Variants in CADPS2 observed in about 807,000 individuals in gnomAD.
The protein encoded by CADPS2 is calcium-dependent secretion activator 2.
CADPS2 carries 93 observed loss-of-function variants against 172.5 expected under a neutral mutation model. The ratio of observed to expected loss-of-function variants is 0.54; its 90% confidence interval spans 0.46 to 0.64. The LOEUF (loss-of-function observed/expected upper bound fraction) is 0.64. CADPS2 is among the 30% of genes least tolerant of loss of function. CADPS2 has a pLI of 0.00. For missense variants in CADPS2, 1,420 were observed against 1,565.9 expected, an observed-to-expected ratio of 0.91 and a Z score of 1.57; for synonymous variants, 546 against 555.2, an observed-to-expected ratio of 0.98 and a Z score of 0.23.
intron 1 of CADPS2, among the ~76,000 whole-genome samples, chr7:122,823,508 A>T (rs1803993536): frequency 6.6e-6 from 1 of 152,086 alleles, no homozygotes; most frequent in African/African-American, 2.4e-5. Context: ...TGTGCATAGA[A>T]GTCTCTTGGA....
intron 14 of CADPS2, among the ~76,000 whole-genome samples, chr7:122,465,119 A>G (rs2054968697): frequency 6.6e-6 from 1 of 152,166 alleles, no homozygotes; most frequent in Admixed American, 6.6e-5. Context: ...AGAGAAAAAA[A>G]GAGAGAGAAG....
intron 1 of CADPS2, among the ~76,000 whole-genome samples, chr7:122,767,110 T>C (rs2093576499): frequency 2.0e-5 from 3 of 152,194 alleles, no homozygotes; most frequent in Non-Finnish European, 4.4e-5. Flanking sequence ...ATTAAATAGA[T>C]TGTTTTGAAG....
At chr7:122,703,993 A>C (rs946744420) in intron 2 of CADPS2, among the ~76,000 whole-genome samples, 4 of 152,100 alleles carry the variant, frequency 2.6e-5, no homozygotes, top group African/African-American at 7.2e-5. Context: ...AGTCTGTTTC[A>C]AGGAGCCAAT....
intron 3 of CADPS2, among the ~76,000 whole-genome samples, chr7:122,660,660 C>T (rs1165517927): frequency 6.6e-6 from 1 of 151,702 alleles, no homozygotes; most frequent in Non-Finnish European, 1.5e-5. Context: ...CCTGTAATCC[C>T]AGCACTTTGG....
chr7:122,544,240 A>G (rs975271514), intron 8 of CADPS2, among the ~76,000 whole-genome samples: 13 of 152,278 alleles, frequency 8.5e-5, no homozygotes, highest in Middle Eastern at 6.8e-3. Flanking sequence ...ATTGTGCAGG[A>G]AAGATTATAT....
intron 17 of CADPS2, 27 bp downstream of exon 17, chr7:122,438,314 A>C (rs747116497): frequency 6.2e-7 from 1 of 1,611,940 alleles, no homozygotes; most frequent in African/African-American, 1.3e-5. Context: ...TCTCACTGCC[A>C]CTTCGACAAT....
At chr7:122,352,722 C>T (rs1378951185) in intron 27 of CADPS2, among the ~76,000 whole-genome samples, 1 of 152,042 alleles carries the variant, frequency 6.6e-6, no homozygotes, top group Non-Finnish European at 1.5e-5. Flanking sequence ...GTGTGGTTAT[C>T]TAAGTAGTAA....
chr7:122,482,503 CA>C (rs2057409202), intron 11 of CADPS2, among the ~76,000 whole-genome samples: 3 of 152,216 alleles, frequency 2.0e-5, no homozygotes, highest in African/African-American at 7.2e-5. Context: ...CTTTAACTTA[CA>C]AAAAATTCTG....
intron 4 of CADPS2, among the ~76,000 whole-genome samples, chr7:122,628,020 C>A (rs1176354132): frequency 6.6e-6 from 1 of 152,066 alleles, no homozygotes; most frequent in Non-Finnish European, 1.5e-5. Context: ...GCCCTCTGTG[C>A]AAATGTAACT....
At chr7:122,602,109 T>C (rs2072873312) in intron 6 of CADPS2, among the ~76,000 whole-genome samples, 1 of 151,902 alleles carries the variant, frequency 6.6e-6, no homozygotes, top group Admixed American at 6.6e-5. Flanking sequence ...GTTAAAAGTT[T>C]CCGTTAAAGC....
chr7:122,365,660 A>G (rs951772239), intron 25 of CADPS2, among the ~76,000 whole-genome samples: 3 of 152,184 alleles, frequency 2.0e-5, no homozygotes, highest in African/African-American at 7.2e-5. Flanking sequence ...GGTTGGAATG[A>G]AACACTGTAA....
At chr7:122,680,361 T>A (rs1479237992) in intron 2 of CADPS2, among the ~76,000 whole-genome samples, 1 of 152,214 alleles carries the variant, frequency 6.6e-6, no homozygotes, top group Non-Finnish European at 1.5e-5. Flanking sequence ...TTTCAAAAGA[T>A]CCTTCCAACT....
intron 1 of CADPS2, among the ~76,000 whole-genome samples, chr7:122,841,721 G>C (rs186338801): frequency 6.6e-6 from 1 of 152,120 alleles, no homozygotes; most frequent in Non-Finnish European, 1.5e-5. Context: ...TAAAGAAAAC[G>C]AAGAGTTGCC....
chr7:122,468,323 T>C (rs2055436367), intron 14 of CADPS2, among the ~76,000 whole-genome samples: 1 of 152,188 alleles, frequency 6.6e-6, no homozygotes, highest in South Asian at 2.1e-4. Context: ...ACATTGACAG[T>C]ATGTTTAAAC....
chr7:122,780,531 G>C (rs983261122), intron 1 of CADPS2, among the ~76,000 whole-genome samples: 1 of 151,978 alleles, frequency 6.6e-6, no homozygotes, highest in Non-Finnish European at 1.5e-5. Flanking sequence ...TCAATAATCC[G>C]ATTTAGCCCA....
intron 1 of CADPS2, among the ~76,000 whole-genome samples, chr7:122,765,136 G>T (rs2093506343): frequency 6.6e-6 from 1 of 152,138 alleles, no homozygotes; most frequent in Non-Finnish European, 1.5e-5. Flanking sequence ...GTTCTGGCAT[G>T]TAACAAAGTT....
chr7:122,574,131 A>T (rs2067644404), intron 7 of CADPS2, among the ~76,000 whole-genome samples: 1 of 151,842 alleles, frequency 6.6e-6, no homozygotes, highest in Non-Finnish European at 1.5e-5. Context: ...GAAGCAGTAA[A>T]CTCATGTTTT....
chr7:122,480,557 T>A (rs1721294790), intron 12 of CADPS2, among the ~76,000 whole-genome samples: 1 of 152,242 alleles, frequency 6.6e-6, no homozygotes, highest in South Asian at 2.1e-4. Context: ...ACCGCATGTA[T>A]AACTTAGCAT....
At chr7:122,504,657 C>T (rs554798520) in intron 9 of CADPS2, among the ~76,000 whole-genome samples, 39 of 152,222 alleles carry the variant, frequency 2.6e-4, no homozygotes, top group Admixed American at 1.3e-3. Context: ...ACCTCGAATT[C>T]CTGGTCTCAA....
Sources: gnomAD v4.1 joint callset for allele counts (sites outside exome capture counted in the v4.1 genomes callset) on GRCh38, gnomAD v4.1.1 for gene constraint, MANE v1.5 for transcripts, NCBI Gene and HGNC (gene_info 2026-07-23, HGNC 2026-07-21) for gene names.